LPIN1: variants seen among roughly 807,000 people sequenced by gnomAD.
The protein encoded by LPIN1 is phosphatidate phosphatase LPIN1.
A neutral mutation model predicts 107.5 loss-of-function variants in LPIN1; 71 were observed. The observed-to-expected ratio is 0.66, with a 90% CI of 0.55 to 0.80. LPIN1 has a LOEUF of 0.80. LPIN1 is among the 30% of genes least tolerant of loss of function. The pLI, the probability that LPIN1 is intolerant of heterozygous loss-of-function variation, is 0.00. For synonymous variants in LPIN1, 445 were observed against 452.6 expected, an observed-to-expected ratio of 0.98 and a Z score of 0.21; for missense variants, 1,043 against 1,160.6, an observed-to-expected ratio of 0.90 and a Z score of 1.47.
In LPIN1 at chr2:11,739,229, T is replaced by C. The variant is rs6709819; in HGVS notation, c.-71-2120T>C. Among the ~76,000 whole-genome samples, 54 of 152,330 alleles carry C rather than the reference T, an allele frequency of 3.5e-4. 1 individual carries two copies. Among genetic ancestry groups the C allele is most frequent in the African/African-American group, 1.3e-3 (53 of 41,578 alleles). ...TCCATGAGGCAAGAAATGGAGCCCC[T>C]GGCTACAGCCATGTGAGTCACCGTC... is the stretch of plus-strand genomic sequence containing the variant. On this transcript the variant is annotated intron_variant, in intron 1 of 21. Coordinates refer to the LPIN1 transcript ENST00000396097.
chr2:11,718,468 T>A (rs1254421877), intron 2 of LPIN1, among the ~76,000 whole-genome samples: 1 of 152,202 alleles, frequency 6.6e-6, no homozygotes, highest in Non-Finnish European at 1.5e-5. Flanking sequence ...TGACCTCAAG[T>A]GATCTGCCTG....
chr2:11,787,398 C>CTTTTTTTTTTTTTTTTT (rs1205272301), intron 11 of LPIN1, among the ~76,000 whole-genome samples: 16 of 64,566 alleles, frequency 2.5e-4, no homozygotes, highest in Admixed American at 3.4e-4. Flanking sequence ...TTTTCTTTTT[C>CTTTTTTTTTTTTTTTTT]TTTTTTTTTT....
At chr2:11,743,183 C>A (rs1292688668), upstream of LPIN1, among the ~76,000 whole-genome samples, 1 of 152,212 alleles carries the variant, frequency 6.6e-6, no homozygotes, top group Non-Finnish European at 1.5e-5. This position sits in a 1 kb window ranked among gnomAD's most constrained non-coding sequence, Gnocchi z 4.7. Flanking sequence ...AGCCTAGGGC[C>A]TCCAAGATGC....
intron 12 of LPIN1, among the ~76,000 whole-genome samples, chr2:11,790,548 G>A (rs1275222702): frequency 6.6e-6 from 1 of 152,198 alleles, no homozygotes; most frequent in African/African-American, 2.4e-5. Flanking sequence ...AGTCTTCTCC[G>A]CATGCATTGC....
chr2:11,748,099 G>T (rs1667236271), intron 1 of LPIN1, among the ~76,000 whole-genome samples: 1 of 152,214 alleles, frequency 6.6e-6, no homozygotes, highest in South Asian at 2.1e-4. Context: ...CGAGGGTTCA[G>T]GTGAGAGACC....
intron 17 of LPIN1, among the ~76,000 whole-genome samples, chr2:11,812,209 C>T (rs1035281274): frequency 7.2e-5 from 11 of 152,238 alleles, no homozygotes; most frequent in African/African-American, 2.4e-4. Flanking sequence ...TTTATTCACT[C>T]ATTCAGCAAA....
In LPIN1 at chr2:11,826,513, C is replaced by CAAA. The variant is rs11287978; in HGVS notation, c.*1744_*1746dup. On this transcript the variant is annotated 3_prime_UTR_variant, in exon 21 of 21. Transcript: ENST00000674199. ...TGGGTGACAGAGTAAGACTCCATGT[C>CAAA]AAAAAAAAAAAAAAAAAAAAAAAAG... The CAAA allele has an allele frequency of 8.0e-5, 6 of 74,732 alleles. No individual in the cohort carries two copies. The highest frequency in any genetic ancestry group is 1.2e-4 in the Non-Finnish European group (5 of 40,600). The allele number at this position is 74,732 out of a possible 1,614,324, so 4.6% of individuals were successfully genotyped here.
intron 1 of LPIN1, among the ~76,000 whole-genome samples, chr2:11,733,777 C>T (rs1325170513): frequency 6.6e-6 from 1 of 152,210 alleles, no homozygotes; most frequent in Non-Finnish European, 1.5e-5. Flanking sequence ...CAGGCGTGAG[C>T]CACTGCACCC....
intron 1 of LPIN1, among the ~76,000 whole-genome samples, chr2:11,708,198 C>T (rs1326140851): frequency 3.3e-5 from 5 of 152,178 alleles, no homozygotes; most frequent in African/African-American, 7.2e-5. Flanking sequence ...GTTGGCCCCC[C>T]GACAGCTGGA....
intron 7 of LPIN1, among the ~76,000 whole-genome samples, chr2:11,780,056 T>C (rs1054500686): frequency 2.6e-5 from 4 of 152,146 alleles, no homozygotes; most frequent in Non-Finnish European, 4.4e-5. Flanking sequence ...AATTTTTGTA[T>C]TTTTAGTAGA....
At position 11,784,931 on chromosome 2, in the gene LPIN1, C is replaced by T. The variant is rs1674261450; in HGVS notation, c.1404C>T (p.Ala468=). 1.2e-6 allele frequency: 2 copies of T among 1,614,030 alleles called. No homozygotes were observed. Among genetic ancestry groups the T allele is most frequent in the Non-Finnish European group, 1.7e-6 (2 of 1,180,030 alleles). ...CAAAACATGCAAGCGACAACGGAGC[C>T]CGGTCAGCCAACCAGTCCCCGCAGT... ...GLAKHASDNG[A]RSANQSPQSV... is the part of the protein sequence containing the mutation. Residue 468 remains alanine (A), a synonymous_variant, in exon 10 of 21, where the codon GCC becomes GCT. Coordinates refer to ENST00000674199, the MANE Select transcript of LPIN1 (RefSeq NM_001349206.2).
chr2:11,822,402 A>T (rs554391885), intron 20 of LPIN1, among the ~76,000 whole-genome samples: 1 of 151,852 alleles, frequency 6.6e-6, no homozygotes, highest in East Asian at 1.9e-4. Flanking sequence ...GTGAGCCAAG[A>T]TCATGCCACT....
At chr2:11,678,334 C>T (rs755122524) in intron 1 of LPIN1, among the ~76,000 whole-genome samples, 3 of 152,168 alleles carry the variant, frequency 2.0e-5, no homozygotes, top group Non-Finnish European at 4.4e-5. Context: ...GGAGGGCGTT[C>T]GAATAACCCT....
chr2:11,749,440 G>T (rs1667460310), intron 1 of LPIN1, among the ~76,000 whole-genome samples: 1 of 152,180 alleles, frequency 6.6e-6, no homozygotes, highest in Admixed American at 6.5e-5. Flanking sequence ...CCTTCCTGTG[G>T]GTTCCCTTCC....
intron 19 of LPIN1, 51 bp downstream of exon 19, chr2:11,819,649 G>A (rs1233720704): frequency 7.6e-7 from 1 of 1,309,958 alleles, no homozygotes; most frequent in Admixed American, 1.7e-5. Flanking sequence ...TGCCTTTTCT[G>A]GTTGCTGTCA....
chr2:11,802,045 G>C (rs755559452), intron 14 of LPIN1, among the ~76,000 whole-genome samples: 15 of 152,136 alleles, frequency 9.9e-5, no homozygotes, highest in Non-Finnish European at 1.8e-4. Context: ...GGAGGGCTTG[G>C]GATGTGCTGC....
At chr2:11,789,542 A>G (rs1228767403) in intron 12 of LPIN1, among the ~76,000 whole-genome samples, 1 of 143,796 alleles carries the variant, frequency 7.0e-6, no homozygotes, top group Non-Finnish European at 1.5e-5. Flanking sequence ...GTGTGCGTGC[A>G]TGTGTGGATG....
rs1013943209 is a variant in LPIN1 at position 11,803,672 on chromosome 2, C to T, written c.2013+639C>T. 4.6e-5 allele frequency among the ~76,000 whole-genome samples: 7 copies of T among 151,972 alleles called. No homozygotes were observed. The highest frequency in any genetic ancestry group is 2.9e-5 in the Non-Finnish European group (2 of 68,012). The stretch of plus-strand genomic sequence containing the variant: ...TACTAGGAAAAGATAAGGAAGAGGC[C>T]CAGACACCCACTCAGGCCATGTGTG... On this transcript the variant is annotated intron_variant, in intron 15 of 20. Coordinates refer to ENST00000674199, the MANE Select transcript of LPIN1 (RefSeq NM_001349206.2). This position sits in a 1 kb window ranked among gnomAD's most constrained non-coding sequence, Gnocchi z 4.2.
chr2:11,682,072 G>C (rs985023095), intron 1 of LPIN1: 7 of 152,686 alleles, frequency 4.6e-5, no homozygotes, highest in Admixed American at 3.3e-4. Flanking sequence ...ACTGGCGCCT[G>C]GGGTGTTCGT....
Sources: allele counts gnomAD v4.1 joint callset (sites outside exome capture counted in the v4.1 genomes callset), GRCh38; gene constraint gnomAD v4.1.1; non-coding constraint Gnocchi (gnomAD v3.1); transcripts MANE v1.5; gene names NCBI Gene and HGNC (gene_info 2026-07-23, HGNC 2026-07-21).